PCDHGA6: variants seen among roughly 807,000 people sequenced by gnomAD.
PCDHGA6 encodes the protein protocadherin gamma-A6.
Under a neutral mutation model 60.6 loss-of-function variants are expected in PCDHGA6, and 41 were observed. The ratio of observed to expected loss-of-function variants is 0.68; its 90% confidence interval spans 0.53 to 0.88. The LOEUF (loss-of-function observed/expected upper bound fraction) is 0.88, where lower values mean the gene tolerates loss of function less well. PCDHGA6 is among the 40% of genes least tolerant of loss of function. The pLI is 0.00. For missense variants in PCDHGA6, 1,312 were observed against 1,203.0 expected (o/e 1.09, Z -1.34); for synonymous variants, 594 against 524.4 (o/e 1.13, Z -1.81).
chr5:141,469,505 G>T (rs2099202987), intron 1 of PCDHGA6, among the ~76,000 whole-genome samples: 1 of 152,138 alleles, frequency 6.6e-6, no homozygotes. Flanking sequence ...AACCCGGGAG[G>T]TGGAGGTTGC....
intron 1 of PCDHGA6, chr5:141,420,902 A>T (rs1202945278): frequency 3.4e-6 from 1 of 293,976 alleles, no homozygotes; most frequent in Non-Finnish European, 6.3e-6. Context: ...TAAGCTCTAC[A>T]AATACGTGTG....
At chr5:141,399,174 T>C (rs2093763814) in intron 1 of PCDHGA6, 1 of 1,613,700 alleles carries the variant, frequency 6.2e-7, no homozygotes, top group Admixed American at 1.7e-5. Context: ...ATTCTCTACT[T>C]GAAATGATTC....
In PCDHGA6 at chr5:141,375,193, A is replaced by G; in HGVS notation, c.1110A>G (p.Gln370=). 1 of 1,613,982 alleles carries G rather than the reference A, an allele frequency of 6.2e-7. No homozygotes were observed. The highest frequency in any genetic ancestry group is 8.5e-7 in the Non-Finnish European group (1 of 1,179,900). Residue 370 remains glutamine (Q), a synonymous_variant, in exon 1 of 4, where the codon CAA becomes CAG. Transcript: ENST00000517434. The part of the protein sequence containing the change: ...APPGTVIALF[Q]VFDRDSGLNG... ...CAGGAACAGTAATCGCCCTTTTTCA[A>G]GTGTTCGATCGAGACTCTGGCCTGA...
rs758515649 is a variant in PCDHGA6 at position 141,432,368 on chromosome 5, A to G, written c.2424+55861A>G. On this transcript the variant is annotated intron_variant, in intron 1 of 3. Coordinates refer to ENST00000517434, the MANE Select transcript of PCDHGA6 (RefSeq NM_018919.3). This position sits in a 1 kb window ranked among gnomAD's most constrained non-coding sequence, Gnocchi z 6.0. ...GCAAGTGAAAGTGATGGCGCGGGAC[A>G]ACGGGCACCCGCCCCTCAGCAGCAA... 1.2e-6 allele frequency: 2 copies of G among 1,614,110 alleles called. No homozygotes were observed. Among genetic ancestry groups the G allele is most frequent in the Non-Finnish European group, 1.7e-6 (2 of 1,180,054 alleles).
At chr5:141,389,341 CT>C in intron 1 of PCDHGA6, 1 of 1,614,016 alleles carries the variant, frequency 6.2e-7, no homozygotes, top group Admixed American at 1.7e-5. Flanking sequence ...GGCCAAGTCT[CT>C]TACTGCATCA....
At chr5:141,404,861 G>A in intron 1 of PCDHGA6, 1 of 1,613,848 alleles carries the variant, frequency 6.2e-7, no homozygotes, top group Non-Finnish European at 8.5e-7. Context: ...AGATAGAGAT[G>A]CGCTCAAACA....
intron 1 of PCDHGA6, among the ~76,000 whole-genome samples, chr5:141,460,256 C>T (rs1315761341): frequency 6.6e-6 from 1 of 151,704 alleles, no homozygotes; most frequent in Admixed American, 6.6e-5. Context: ...TTGATAAAGC[C>T]CAATTTATTT....
chr5:141,431,879 C>T lies in PCDHGA6; in HGVS notation c.2424+55372C>T. 1 of 1,614,162 alleles carries T rather than the reference C, an allele frequency of 6.2e-7. No individual in the cohort carries two copies. The highest frequency in any genetic ancestry group is 8.5e-7 in the Non-Finnish European group (1 of 1,179,970). ...AATTGCCCTTTTAAATGTAAATGAC[C>T]AAGATTCTGAGGAAAACGGACAGGT... On this transcript the variant is annotated intron_variant, in intron 1 of 3. Coordinates refer to ENST00000517434, the MANE Select transcript of PCDHGA6 (RefSeq NM_018919.3). The surrounding 1 kb of genome is among the most constrained non-coding windows in gnomAD (Gnocchi z 4.8).
At chr5:141,408,302 C>G (rs1017556555) in intron 1 of PCDHGA6, 1 of 1,613,662 alleles carries the variant, frequency 6.2e-7, no homozygotes. Flanking sequence ...TGAGCCGATC[C>G]GCTACTCGAT....
chr5:141,403,358 G>A (rs1031210052), intron 1 of PCDHGA6: 1 of 1,614,026 alleles, frequency 6.2e-7, no homozygotes. Flanking sequence ...GTTCCAGGCC[G>A]AAAGTCTGGA....
intron 1 of PCDHGA6, chr5:141,382,606 GA>G: frequency 3.6e-6 from 1 of 276,248 alleles, no homozygotes; most frequent in African/African-American, 2.2e-5. Flanking sequence ...AATTTTCTAT[GA>G]AATCAGTGTA....
intron 1 of PCDHGA6, chr5:141,427,830 C>T (rs749612858): frequency 7.8e-6 from 12 of 1,538,204 alleles, no homozygotes; most frequent in African/African-American, 1.4e-5. Flanking sequence ...GGTCGCGCAG[C>T]GTGCCTTCGA....
chr5:141,506,280 C>CT (rs1455257972), intron 3 of PCDHGA6, among the ~76,000 whole-genome samples: 1 of 152,024 alleles, frequency 6.6e-6, no homozygotes, highest in Non-Finnish European at 1.5e-5. Flanking sequence ...GAAACCCTGT[C>CT]TCTACTAAAA....
chr5:141,403,415 C>A, intron 1 of PCDHGA6: 1 of 1,614,046 alleles, frequency 6.2e-7, no homozygotes, highest in East Asian at 2.2e-5. Context: ...TTATCCACTT[C>A]CAGAAGCTAT....
rs781229038 is a variant in PCDHGA6, at chr5:141,489,990, A to C, written c.2425-4817A>C. 1.2e-4 allele frequency: 194 copies of C among 1,614,138 alleles called. No individual in the cohort carries two copies. Among genetic ancestry groups the C allele is most frequent in the Non-Finnish European group, 1.6e-4 (188 of 1,180,038 alleles). Reference sequence around the variant, plus strand: ...TCCAATCCTCAGTTCTACGTGTGGGAATCCCAGAGAATGCACCCATTGGTA... The same window carrying C: ...TCCAATCCTCAGTTCTACGTGTGGGCATCCCAGAGAATGCACCCATTGGTA... On this transcript the variant is annotated intron_variant, in intron 1 of 3. Transcript: ENST00000517434. The surrounding 1 kb of genome is among the most constrained non-coding windows in gnomAD (Gnocchi z 4.5).
At chr5:141,395,410 AT>A (rs1180706569) in intron 1 of PCDHGA6, 2 of 801,646 alleles carry the variant, frequency 2.5e-6, no homozygotes, top group African/African-American at 3.5e-5. Flanking sequence ...GTCATAGGTT[AT>A]TGTTTCATTT....
intron 1 of PCDHGA6, among the ~76,000 whole-genome samples, chr5:141,482,057 C>A (rs2099551189): frequency 6.7e-6 from 1 of 149,978 alleles, no homozygotes; most frequent in Non-Finnish European, 1.5e-5. Flanking sequence ...TGCATTCCAG[C>A]CTGGGCAACA....
chr5:141,418,996 TG>T (rs745777250), intron 1 of PCDHGA6: 13 of 1,613,756 alleles, frequency 8.1e-6, no homozygotes, highest in Non-Finnish European at 1.1e-5. Flanking sequence ...CAGGGGAAAA[TG>T]GGGAAGTCAG....
In PCDHGA6 at chr5:141,485,589, A is replaced by G. The variant is rs1407992185; in HGVS notation, c.2425-9218A>G. 6.2e-7 allele frequency: 1 copy of G among 1,612,610 alleles called. No homozygotes were observed. Among genetic ancestry groups the G allele is most frequent in the Non-Finnish European group, 8.5e-7 (1 of 1,178,834 alleles). On this transcript the variant is annotated intron_variant, in intron 1 of 3. Coordinates refer to ENST00000517434, the MANE Select transcript of PCDHGA6 (RefSeq NM_018919.3). The surrounding 1 kb of genome is among the most constrained non-coding windows in gnomAD (Gnocchi z 5.7). Reference sequence around the variant, plus strand: ...CCCCGTTTTCCGCGGCAGCAGCTGGACTTGGAAATTGGGGAGGCAGCTCCT... The same window carrying G: ...CCCCGTTTTCCGCGGCAGCAGCTGGGCTTGGAAATTGGGGAGGCAGCTCCT...
Sources: gnomAD v4.1 joint callset for allele counts (sites outside exome capture counted in the v4.1 genomes callset) on GRCh38, gnomAD v4.1.1 for gene constraint, Gnocchi (gnomAD v3.1) non-coding constraint, MANE v1.5 for transcripts, NCBI Gene and HGNC (gene_info 2026-07-23, HGNC 2026-07-21) for gene names.